Variants in WDR5 observed in about 807,000 individuals in gnomAD.
WDR5 encodes the protein WD repeat domain 5.
For synonymous variants in WDR5, 144 were observed against 161.6 expected, an observed-to-expected ratio of 0.89 and a Z score of 0.83; for missense variants, 187 against 416.9, an observed-to-expected ratio of 0.45 and a Z score of 4.80.
intron 13 of WDR5, among the ~76,000 whole-genome samples, 200 bp downstream of exon 13, chr9:134,156,793 G>C (rs542454418): frequency 6.6e-4 from 100 of 152,336 alleles, no homozygotes; most frequent in African/African-American, 2.3e-3. Context: ...TCAGACCCGG[G>C]CTCCTGGCTT....
Position 134,139,817 on chromosome 9 carries a change from C to T in WDR5, c.-58-3C>T, listed in dbSNP as rs930913840. On this transcript the variant is annotated splice_region_variant and splice_polypyrimidine_tract_variant and intron_variant, in intron 1 of 13. Transcript: ENST00000358625. ...GCTCCCTGTTCTGCATCTCGCTCAA[C>T]AGACTGCCTCTGTCACCGGGTCCCT... is the stretch of plus-strand genomic sequence containing the variant. The T allele has an allele frequency of 2.5e-6, 4 of 1,582,120 alleles. No individual in the cohort carries two copies. Among genetic ancestry groups the T allele is most frequent in the East Asian group, 2.2e-5 (1 of 44,606 alleles).
chr9:134,136,115 C>G lies in WDR5; in HGVS notation c.-144C>G, dbSNP rs1247073799. On this transcript the variant is annotated 5_prime_UTR_variant, in exon 1 of 14. Transcript: ENST00000358625. ...CGCCTGGCGCCCGCCCGAGCTGCCGCCTTGTCGAGCTGAGTCCGCGCTCCC... is the reference window on the plus strand; with the variant it reads ...CGCCTGGCGCCCGCCCGAGCTGCCGGCTTGTCGAGCTGAGTCCGCGCTCCC... 6.7e-6 allele frequency: 1 copy of G among 149,120 alleles called. No homozygotes were observed. 9.2% of individuals were successfully genotyped at this position (149,120 alleles called of 1,614,324 possible).
Position 134,155,321 on chromosome 9 carries a change from C to T in WDR5, c.708-19C>T. On this transcript the variant is annotated intron_variant, in intron 10 of 13. Transcript: ENST00000358625. Reference sequence around the variant, plus strand: ...GATGCCTCCAGACATGCCGCCTCACCCCTCTCTCTGTCTTGCAGCACTCTG... The same window carrying T: ...GATGCCTCCAGACATGCCGCCTCACTCCTCTCTCTGTCTTGCAGCACTCTG... The T allele has an allele frequency of 6.3e-7, 1 of 1,591,424 alleles. No individual in the cohort carries two copies. The highest frequency in any genetic ancestry group is 8.5e-7 in the Non-Finnish European group (1 of 1,170,560).
In WDR5 at chr9:134,154,530, C is replaced by T. The variant is rs760495447; in HGVS notation, c.696C>T (p.Ala232=). Residue 232 remains alanine, a synonymous_variant, in exon 10 of 14, where the codon GCC becomes GCT. Transcript: ENST00000358625. ...CGAACGGCAAATACATCCTGGCCGC[C>T]ACGCTGGACAAGTGAGTACTGCGTG... is the stretch of plus-strand genomic sequence containing the variant. ...FSPNGKYILA[A]TLDNTLKLWD... 1 of 1,614,170 alleles carries T rather than the reference C, an allele frequency of 6.2e-7. No homozygotes were observed. Among genetic ancestry groups the T allele is most frequent in the Non-Finnish European group, 8.5e-7 (1 of 1,180,020 alleles).
chr9:134,148,225 A>T, intron 7 of WDR5, 63 bp from the exon 8 acceptor site: 1 of 796,350 alleles, frequency 1.3e-6, no homozygotes, highest in Non-Finnish European at 2.1e-6. Context: ...ATCAGGTAAG[A>T]AGCAGTTGTG....
chr9:134,145,987 CAG>C (rs1832177887), intron 7 of WDR5, among the ~76,000 whole-genome samples: 1 of 148,194 alleles, frequency 6.7e-6, no homozygotes, highest in African/African-American at 2.5e-5. Flanking sequence ...TATTTTGAGA[CAG>C]AGTCTCACTT....
chr9:134,136,298 C>T (rs1009649131), intron 1 of WDR5, 98 bp downstream of exon 1: 1 of 149,584 alleles, frequency 6.7e-6, no homozygotes, highest in African/African-American at 2.4e-5. Context: ...GTGTTCCCCG[C>T]CGGGCCTCGG....
intron 1 of WDR5, among the ~76,000 whole-genome samples, chr9:134,139,163 G>C (rs1302516583): frequency 6.6e-6 from 1 of 152,188 alleles, no homozygotes; most frequent in African/African-American, 2.4e-5. Flanking sequence ...GGAAATTCCA[G>C]CAGGCAGAGC....
At chr9:134,137,292 C>T (rs1355793087) in intron 1 of WDR5, among the ~76,000 whole-genome samples, 2 of 152,162 alleles carry the variant, frequency 1.3e-5, no homozygotes, top group African/African-American at 4.8e-5. Flanking sequence ...ATCACCGTTC[C>T]CGTAACCTTG....
chr9:134,153,980 C>G (rs1461635503), intron 9 of WDR5, among the ~76,000 whole-genome samples: 1 of 152,170 alleles, frequency 6.6e-6, no homozygotes, highest in Non-Finnish European at 1.5e-5. Context: ...GCTGCAGAGT[C>G]CAGCTGATAG....
rs373047718 is a variant in WDR5 at position 134,139,841 on chromosome 9, C to G, written c.-37C>G. 115 of 1,612,246 alleles carry G rather than the reference C, an allele frequency of 7.1e-5. No individual in the cohort carries two copies. The highest frequency in any genetic ancestry group is 9.8e-5 in the Non-Finnish European group (115 of 1,179,078). ...ACAGACTGCCTCTGTCACCGGGTCC[C>G]TCCACCCTTGTCTCCTGTGCGGCCA... On this transcript the variant is annotated 5_prime_UTR_variant, in exon 2 of 14. Coordinates refer to ENST00000358625, the MANE Select transcript of WDR5 (RefSeq NM_017588.3).
intron 7 of WDR5, among the ~76,000 whole-genome samples, chr9:134,147,160 C>G (rs1383510182): frequency 6.6e-6 from 1 of 152,238 alleles, no homozygotes; most frequent in Admixed American, 6.5e-5. Flanking sequence ...AGTAATTTCA[C>G]TTGTCTTTTA....
At chr9:134,140,633 C>G in intron 2 of WDR5, 70 bp from the exon 3 acceptor site, 1 of 1,344,894 alleles carries the variant, frequency 7.4e-7, no homozygotes, top group Non-Finnish European at 1.1e-6. Context: ...TGGTGGGAGT[C>G]AAAATCCAAA....
At chr9:134,138,889 A>C (rs1219898687) in intron 1 of WDR5, among the ~76,000 whole-genome samples, 1 of 152,124 alleles carries the variant, frequency 6.6e-6, no homozygotes, top group Non-Finnish European at 1.5e-5. Flanking sequence ...TGGTATTTGC[A>C]AGCATGTCTC....
At chr9:134,147,060 CA>C (rs34113590) in intron 7 of WDR5, among the ~76,000 whole-genome samples, 20,268 of 151,976 alleles carry the variant, frequency 0.13, 1,536 homozygotes, top group East Asian at 0.23. Context: ...AGACCTGGCA[CA>C]AAAAAAGAAA....
At chr9:134,146,435 C>T (rs889255056) in intron 7 of WDR5, among the ~76,000 whole-genome samples, 4 of 152,182 alleles carry the variant, frequency 2.6e-5, no homozygotes, top group African/African-American at 9.7e-5. Flanking sequence ...AAGGTTTCAC[C>T]ATGTTGGCCA....
chr9:134,154,382 T>TG, intron 9 of WDR5, 84 bp from the exon 10 acceptor site: 1 of 1,405,050 alleles, frequency 7.1e-7, no homozygotes, highest in Non-Finnish European at 1.0e-6. Context: ...ATGTCGCACG[T>TG]GGGGGATGGG....
At chr9:134,155,640 C>T in intron 11 of WDR5, 53 bp from the exon 12 acceptor site, 2 of 1,578,742 alleles carry the variant, frequency 1.3e-6, no homozygotes, top group Non-Finnish European at 1.7e-6. Flanking sequence ...TAGAATTACA[C>T]AAAATCAAGG....
chr9:134,144,948 T>C (rs1832093810), intron 7 of WDR5, among the ~76,000 whole-genome samples: 1 of 152,112 alleles, frequency 6.6e-6, no homozygotes, highest in Non-Finnish European at 1.5e-5. Flanking sequence ...TCTTCTACTT[T>C]GCTTTTTTAG....
Sources: allele counts gnomAD v4.1 joint callset (sites outside exome capture counted in the v4.1 genomes callset), GRCh38; gene constraint gnomAD v4.1.1; transcripts MANE v1.5; gene names NCBI Gene and HGNC (gene_info 2026-07-23, HGNC 2026-07-21).